PTPRD: variants seen among roughly 807,000 people sequenced by gnomAD.
PTPRD encodes receptor-type tyrosine-protein phosphatase delta.
In PTPRD, 34 loss-of-function variants were observed where a neutral mutation model predicts 214.5. That is an observed-to-expected ratio of 0.16 (90% CI 0.12 to 0.21). PTPRD has a LOEUF of 0.21. Among genes scored for constraint, PTPRD ranks in the 10% least tolerant of loss-of-function variants. The probability of loss-of-function intolerance (pLI) is 1.00; values close to 1 mark genes in which losing one functional copy is unlikely to be tolerated. For missense variants in PTPRD, 2,545 were observed against 2,398.7 expected (o/e 1.06, Z -1.27); for synonymous variants, 1,128 against 845.7 (o/e 1.33, Z -5.79).
intron 10 of PTPRD, among the ~76,000 whole-genome samples, chr9:9,182,034 T>C (rs553856426): frequency 2.6e-5 from 4 of 152,132 alleles, no homozygotes; most frequent in Non-Finnish European, 4.4e-5. Context: ...TTCAAAAGAA[T>C]AACACATCAA....
intron 4 of PTPRD, among the ~76,000 whole-genome samples, chr9:9,965,958 C>G (rs2094664069): frequency 6.6e-6 from 1 of 152,150 alleles, no homozygotes; most frequent in African/African-American, 2.4e-5. Context: ...TGCATGCTCT[C>G]TTTTGTTTGC....
chr9:8,813,417 C>T (rs928125947), intron 11 of PTPRD, among the ~76,000 whole-genome samples: 18 of 152,238 alleles, frequency 1.2e-4, no homozygotes, highest in Admixed American at 3.9e-4. Flanking sequence ...ATTCCTTTTC[C>T]TTCTCCTAAC....
chr9:8,784,819 C>T (rs1166054445), intron 11 of PTPRD, among the ~76,000 whole-genome samples: 1 of 152,148 alleles, frequency 6.6e-6, no homozygotes, highest in African/African-American at 2.4e-5. Context: ...CAGAAACACG[C>T]GTTTTTCTCT....
At chr9:9,984,106 A>C (rs2095631031) in intron 4 of PTPRD, among the ~76,000 whole-genome samples, 1 of 152,090 alleles carries the variant, frequency 6.6e-6, no homozygotes, top group Non-Finnish European at 1.5e-5. Context: ...AAAAATCATG[A>C]TTATTACAAA....
chr9:9,501,230 A>C (rs2154223082), intron 8 of PTPRD, among the ~76,000 whole-genome samples: 1 of 152,128 alleles, frequency 6.6e-6, no homozygotes, highest in African/African-American at 2.4e-5. Context: ...GACAAATAAG[A>C]GTCACTAAAA....
intron 9 of PTPRD, among the ~76,000 whole-genome samples, chr9:9,321,716 A>G (rs1477745351): frequency 6.6e-6 from 1 of 152,194 alleles, no homozygotes; most frequent in Non-Finnish European, 1.5e-5. Flanking sequence ...GCGATGTAAC[A>G]TTAGCAAAGT....
rs1018689182 is a variant in PTPRD at position 10,475,381 on chromosome 9, T to C, written c.-599-134364A>G. The stretch of plus-strand genomic sequence containing the variant: ...ACCTCTACACAAATCAACTGGAAAA[T>C]GTAGAAGAAATGGATAAATTCCTGG... On this transcript the variant is annotated intron_variant, in intron 2 of 45. Transcript: ENST00000381196. Among the ~76,000 whole-genome samples the C allele has an allele frequency of 2.0e-5, 3 of 151,668 alleles. No homozygotes were observed. In the South Asian group the frequency reaches 6.3e-4, roughly 32 times the overall value.
chr9:8,477,009 A>G (rs2096778895), intron 30 of PTPRD, among the ~76,000 whole-genome samples: 1 of 152,154 alleles, frequency 6.6e-6, no homozygotes, highest in Non-Finnish European at 1.5e-5. Context: ...ATCTCACAGG[A>G]CATTAAGAAA....
At chr9:9,073,803 G>A (rs2099747238) in intron 10 of PTPRD, among the ~76,000 whole-genome samples, 1 of 150,608 alleles carries the variant, frequency 6.6e-6, no homozygotes, top group Non-Finnish European at 1.5e-5. Context: ...TAATACATAT[G>A]CCAGCTGAAC....
At chr9:9,894,671 C>A (rs1333956549) in intron 5 of PTPRD, among the ~76,000 whole-genome samples, 1 of 152,026 alleles carries the variant, frequency 6.6e-6, no homozygotes, top group African/African-American at 2.4e-5. Context: ...ATAACAGTTA[C>A]CATTTCACAT....
At chr9:9,085,386 T>C (rs895946413) in intron 10 of PTPRD, among the ~76,000 whole-genome samples, 3 of 152,200 alleles carry the variant, frequency 2.0e-5, no homozygotes, top group Non-Finnish European at 2.9e-5. Context: ...ATCTACAGCA[T>C]GCAAATTCTT....
chr9:8,546,113 A>T (rs936892762), intron 14 of PTPRD, among the ~76,000 whole-genome samples: 3 of 152,210 alleles, frequency 2.0e-5, no homozygotes, highest in Non-Finnish European at 4.4e-5. Context: ...CTTATCAGGG[A>T]TCTCAATCTT....
intron 7 of PTPRD, among the ~76,000 whole-genome samples, chr9:9,636,622 A>G (rs1012849030): frequency 1.4e-4 from 22 of 152,302 alleles, no homozygotes; most frequent in Admixed American, 1.4e-3. Flanking sequence ...TTTCCTCTGG[A>G]TATTTTGTGT....
intron 3 of PTPRD, among the ~76,000 whole-genome samples, chr9:10,148,101 C>G (rs919855978): frequency 2.6e-5 from 4 of 152,218 alleles, no homozygotes; most frequent in Non-Finnish European, 2.9e-5. Flanking sequence ...CTATTTTCAA[C>G]TATGAAGAAG....
At chr9:8,689,842 T>C (rs575919669) in intron 12 of PTPRD, among the ~76,000 whole-genome samples, 1 of 152,288 alleles carries the variant, frequency 6.6e-6, no homozygotes, top group East Asian at 1.9e-4. Context: ...GCACAGTGGT[T>C]CATGCCTGTA....
intron 5 of PTPRD, among the ~76,000 whole-genome samples, chr9:9,877,876 G>C (rs139169362): frequency 4.0e-5 from 6 of 151,310 alleles, no homozygotes. Flanking sequence ...GGGAGGCTGA[G>C]GCAGGAGAAT....
At chr9:8,388,039 C>CTA (rs1168866687) in intron 37 of PTPRD, among the ~76,000 whole-genome samples, 1 of 152,204 alleles carries the variant, frequency 6.6e-6, no homozygotes, top group Non-Finnish European at 1.5e-5. Flanking sequence ...TTCAACATCT[C>CTA]TATACAATTC....
intron 3 of PTPRD, among the ~76,000 whole-genome samples, chr9:10,217,158 T>C (rs1347501361): frequency 6.6e-6 from 1 of 151,872 alleles, no homozygotes; most frequent in Non-Finnish European, 1.5e-5. Context: ...TTGCTTTACC[T>C]CAAATTTCTA....
intron 2 of PTPRD, among the ~76,000 whole-genome samples, chr9:10,506,170 G>C (rs1341185222): frequency 1.3e-5 from 2 of 151,896 alleles, no homozygotes; most frequent in Non-Finnish European, 1.5e-5. Context: ...ATGGGTAAGG[G>C]GAAATGGATA....
Sources: allele counts gnomAD v4.1 joint callset (sites outside exome capture counted in the v4.1 genomes callset), GRCh38; gene constraint gnomAD v4.1.1; transcripts MANE v1.5; gene names NCBI Gene and HGNC (gene_info 2026-07-23, HGNC 2026-07-21).